SYT17: variants seen among roughly 807,000 people sequenced by gnomAD.
SYT17 encodes the protein synaptotagmin 17.
A neutral mutation model predicts 46.7 loss-of-function variants in SYT17; 22 were observed. The ratio of observed to expected loss-of-function variants is 0.47; its 90% CI spans 0.34 to 0.67. SYT17 has a LOEUF of 0.67. Ranked by LOEUF, SYT17 falls within the 30% of genes least tolerant of loss-of-function variation. SYT17 has a pLI of 0.01. For synonymous variants in SYT17, 251 were observed against 248.4 expected, an observed-to-expected ratio of 1.01 and a Z score of -0.10; for missense variants, 519 against 612.8, an observed-to-expected ratio of 0.85 and a Z score of 1.62.
chr16:19,194,709 C>T (rs1163911201), intron 5 of SYT17, among the ~76,000 whole-genome samples: 1 of 152,192 alleles, frequency 6.6e-6, no homozygotes, highest in Non-Finnish European at 1.5e-5. Context: ...ATCCTCCCGC[C>T]TCAGCCTTCC....
intron 7 of SYT17, among the ~76,000 whole-genome samples, chr16:19,246,593 TA>T (rs1967591521): frequency 6.6e-6 from 1 of 152,208 alleles, no homozygotes; most frequent in African/African-American, 2.4e-5. Flanking sequence ...TGTATATACG[TA>T]CACATATGTG....
intron 7 of SYT17, among the ~76,000 whole-genome samples, chr16:19,238,475 C>T (rs557500173): frequency 2.6e-5 from 4 of 152,352 alleles, no homozygotes; most frequent in African/African-American, 9.6e-5. Context: ...ACTCTGACCT[C>T]AACTTCTCCT....
At chr16:19,191,998 A>T (rs183703669) in intron 5 of SYT17, among the ~76,000 whole-genome samples, 9 of 152,194 alleles carry the variant, frequency 5.9e-5, no homozygotes, top group Admixed American at 4.6e-4. Flanking sequence ...GTTAGCCAGG[A>T]TGGTCTCAAT....
At chr16:19,250,629 C>T (rs542337653) in intron 7 of SYT17, among the ~76,000 whole-genome samples, 1 of 152,258 alleles carries the variant, frequency 6.6e-6, no homozygotes, top group East Asian at 1.9e-4. Context: ...TTGCCTCAGC[C>T]TCCCATAGTG....
intron 7 of SYT17, among the ~76,000 whole-genome samples, chr16:19,248,896 G>A (rs992873159): frequency 2.0e-5 from 3 of 151,524 alleles, no homozygotes; most frequent in Non-Finnish European, 2.9e-5. Flanking sequence ...ACACATGGCC[G>A]AATCTCAAAA....
At chr16:19,250,359 T>TTGTGTGTGTGTG (rs55818940) in intron 7 of SYT17, among the ~76,000 whole-genome samples, 6,509 of 132,458 alleles carry the variant, frequency 0.049, 245 homozygotes, top group Non-Finnish European at 0.061. Flanking sequence ...TCAAACATGT[T>TTGTGTGTGTGTG]TGTGTGTGTG....
rs761954601 is a variant in SYT17, at chr16:19,173,592, C to T, written c.182+14C>T. 1.2e-6 allele frequency: 2 copies of T among 1,609,696 alleles called. No homozygotes were observed. The highest frequency in any genetic ancestry group is 2.7e-5 in the African/African-American group (2 of 74,616). On this transcript the variant is annotated intron_variant, in intron 3 of 7. Transcript: ENST00000355377. ...CCCTCCCTGGCTGTAAGTAAAACTG[C>T]TCTGAACTTCTCTGAAATCAATTTC...
At chr16:19,222,314 G>C (rs993836851) in intron 5 of SYT17, among the ~76,000 whole-genome samples, 7 of 151,832 alleles carry the variant, frequency 4.6e-5, no homozygotes, top group African/African-American at 7.3e-5. Flanking sequence ...TTTAAAAGGG[G>C]ACAGAGAAGT....
intron 3 of SYT17, among the ~76,000 whole-genome samples, chr16:19,176,461 AT>A (rs1278431883): frequency 1.3e-5 from 2 of 152,218 alleles, no homozygotes; most frequent in African/African-American, 2.4e-5. Flanking sequence ...AATAATAAAT[AT>A]ATTAGCCTCA....
At chr16:19,171,754 C>T (rs376962289) in intron 1 of SYT17, 11 of 151,902 alleles carry the variant, frequency 7.2e-5, no homozygotes, top group African/African-American at 1.5e-4. Flanking sequence ...CATGTGACAT[C>T]GCAGAAGGCA....
At position 19,183,536 on chromosome 16, in the gene SYT17, T is replaced by G; in HGVS notation, c.340T>G (p.Ser114Ala). ...SLTRRISSLE[S>A]RRPSSPLIDI... ...TTTCTGGTGGCTCTCAGGTCTTGAG[T>G]CAAGACGTCCCAGCTCTCCACTCAT... The change falls in exon 5 of 8, where the codon TCA (serine) becomes GCA (alanine). Residue 114 changes from serine (S) to alanine (A), a missense_variant. Coordinates refer to ENST00000355377, the MANE Select transcript of SYT17 (RefSeq NM_016524.4). The surrounding 1 kb of genome is among the most constrained non-coding windows in gnomAD (Gnocchi z 5.6). The G allele has an allele frequency of 2.5e-6, 4 of 1,613,820 alleles. No homozygotes were observed. The highest frequency in any genetic ancestry group is 3.4e-6 in the Non-Finnish European group (4 of 1,179,756).
chr16:19,181,374 CCAGA>C (rs144653981), intron 4 of SYT17, among the ~76,000 whole-genome samples: 4,275 of 152,100 alleles, frequency 0.028, 187 homozygotes, highest in African/African-American at 0.098. Flanking sequence ...CTGAAATTCA[CCAGA>C]CAGAGGGAAA....
intron 7 of SYT17, among the ~76,000 whole-genome samples, chr16:19,263,696 T>C (rs937256275): frequency 1.4e-5 from 2 of 146,180 alleles, no homozygotes; most frequent in African/African-American, 5.0e-5. Flanking sequence ...ATGTTTACAG[T>C]AGCATTATCC....
At chr16:19,207,731 G>A (rs1371651437) in intron 5 of SYT17, among the ~76,000 whole-genome samples, 3 of 152,064 alleles carry the variant, frequency 2.0e-5, no homozygotes, top group African/African-American at 7.2e-5. Flanking sequence ...TAGGGAACAA[G>A]GTGGCCACTC....
chr16:19,253,552 C>G (rs954076483), intron 7 of SYT17, among the ~76,000 whole-genome samples: 1 of 151,954 alleles, frequency 6.6e-6, no homozygotes, highest in Non-Finnish European at 1.5e-5. Context: ...ATTGGAAACT[C>G]TAGATTGAGC....
At chr16:19,212,715 C>G (rs1965953384) in intron 5 of SYT17, among the ~76,000 whole-genome samples, 2 of 152,196 alleles carry the variant, frequency 1.3e-5, no homozygotes. Context: ...TAAATTATTT[C>G]AGCTCTGACA....
chr16:19,175,660 A>AT (rs1307240214), intron 3 of SYT17, among the ~76,000 whole-genome samples: 1 of 150,170 alleles, frequency 6.7e-6, no homozygotes, highest in Non-Finnish European at 1.5e-5. Flanking sequence ...AAAAAAAAAA[A>AT]AAAAAAAGGA....
chr16:19,186,067 G>A (rs1241483212), intron 5 of SYT17, among the ~76,000 whole-genome samples: 2 of 152,192 alleles, frequency 1.3e-5, no homozygotes, highest in African/African-American at 4.8e-5. Context: ...CCTGTTTCAG[G>A]TCACTGCGGG....
intron 5 of SYT17, among the ~76,000 whole-genome samples, chr16:19,195,940 G>T (rs1436033282): frequency 2.0e-5 from 3 of 151,000 alleles, no homozygotes; most frequent in Admixed American, 2.0e-4. Flanking sequence ...AGCTATGATG[G>T]CAACACTGCA....
Sources: allele counts gnomAD v4.1 joint callset (sites outside exome capture counted in the v4.1 genomes callset), GRCh38; gene constraint gnomAD v4.1.1; non-coding constraint Gnocchi (gnomAD v3.1); transcripts MANE v1.5; gene names NCBI Gene and HGNC (gene_info 2026-07-23, HGNC 2026-07-21).